GRAMD4: variants seen among roughly 807,000 people sequenced by gnomAD.
GRAMD4 encodes GRAM domain containing 4.
A neutral mutation model predicts 83.9 loss-of-function variants in GRAMD4; 25 were observed. The ratio of observed to expected loss-of-function variants is 0.30; its 90% CI spans 0.22 to 0.42. The LOEUF (loss-of-function observed/expected upper bound fraction) is 0.42, where lower values mean the gene tolerates loss of function less well. GRAMD4 is among the 10% of genes least tolerant of loss of function. The probability of loss-of-function intolerance (pLI) is 1.00; values close to 1 mark genes in which losing one functional copy is unlikely to be tolerated. For synonymous variants in GRAMD4, 336 were observed against 320.9 expected, an observed-to-expected ratio of 1.05 and a Z score of -0.50; for missense variants, 593 against 788.7, an observed-to-expected ratio of 0.75 and a Z score of 2.97.
intron 3 of GRAMD4, among the ~76,000 whole-genome samples, chr22:46,650,353 GGC>G (rs757069635): frequency 0.084 from 12,609 of 150,250 alleles, 670 homozygotes; most frequent in African/African-American, 0.15. Flanking sequence ...CTGGGTGGAG[GGC>G]TGCGTGTCGA....
At chr22:46,602,081 C>T (rs1044262010) in intron 1 of GRAMD4, among the ~76,000 whole-genome samples, 2 of 152,138 alleles carry the variant, frequency 1.3e-5, no homozygotes, top group African/African-American at 2.4e-5. Context: ...TGGTGGTGCA[C>T]GGGGGTCCTC....
At chr22:46,593,977 G>A (rs956328017) in intron 1 of GRAMD4, among the ~76,000 whole-genome samples, 1 of 151,680 alleles carries the variant, frequency 6.6e-6, no homozygotes, top group Non-Finnish European at 1.5e-5. Context: ...TGCCCGCCTC[G>A]GCCTCCCAAA....
intron 10 of GRAMD4, among the ~76,000 whole-genome samples, chr22:46,667,796 G>A (rs1220041979): frequency 2.0e-5 from 3 of 152,238 alleles, no homozygotes; most frequent in African/African-American, 4.8e-5. Flanking sequence ...TTCCCTGCCT[G>A]TAAGTGAGGG....
chr22:46,664,924 G>A (rs142733843), intron 8 of GRAMD4, among the ~76,000 whole-genome samples: 33 of 152,322 alleles, frequency 2.2e-4, no homozygotes, highest in Non-Finnish European at 3.7e-4. Context: ...TGCCTGCTGC[G>A]GGCACTTACC....
intron 3 of GRAMD4, among the ~76,000 whole-genome samples, chr22:46,642,695 G>A (rs904136090): frequency 1.3e-5 from 2 of 152,202 alleles, no homozygotes; most frequent in Admixed American, 6.5e-5. Flanking sequence ...TATCAAGTCA[G>A]TACAGAGTTG....
chr22:46,644,721 TTTTTTTTTTTTTTA>T (rs2082046465), intron 3 of GRAMD4, among the ~76,000 whole-genome samples: 3 of 100,934 alleles, frequency 3.0e-5, no homozygotes, highest in African/African-American at 6.5e-5. Context: ...TTTTTTTTTT[TTTTTTTTTTTTTTA>T]CTTTGTTTTG....
At chr22:46,625,125 G>A (rs1352101748) in intron 1 of GRAMD4, among the ~76,000 whole-genome samples, 2 of 152,170 alleles carry the variant, frequency 1.3e-5, no homozygotes, top group Non-Finnish European at 2.9e-5. Flanking sequence ...CTCCCAAAGT[G>A]CTGGAATTAC....
intron 11 of GRAMD4, 102 bp downstream of exon 11, chr22:46,668,269 C>T (rs1248732767): frequency 5.4e-6 from 4 of 744,462 alleles, no homozygotes; most frequent in Non-Finnish European, 9.1e-6. Context: ...CCGGCCTCCG[C>T]TGCTGCCTGG....
rs759310026 is a variant in GRAMD4, at chr22:46,677,232, C to G, written c.1718C>G (p.Ala573Gly). Reference protein sequence around the residue: ...SQYIKITSAAASGGDS With the variant: ...SQYIKITSAAGSGGDS The stretch of plus-strand genomic sequence containing the variant: ...TACATCAAGATCACCTCAGCGGCAG[C>G]GTCTGGCGGGGACAGCTAGTATTGA... Residue 573 changes from alanine (A) to glycine (G), a missense_variant, in exon 19 of 19, where the codon GCG becomes GGG. Physicochemically the swap from Ala to Gly is moderately conservative, Grantham distance 60 (BLOSUM62 0). Around this residue, in one of 4 missense-constraint regions of GRAMD4, gnomAD observed 74 missense variants for 152.7 expected, o/e 0.48. Transcript: ENST00000406902. The G allele has an allele frequency of 6.2e-7, 1 of 1,613,242 alleles. No homozygotes were observed. Among genetic ancestry groups the G allele is most frequent in the Non-Finnish European group, 8.5e-7 (1 of 1,179,576 alleles).
chr22:46,607,657 T>A (rs2081378876), intron 1 of GRAMD4, among the ~76,000 whole-genome samples: 1 of 152,152 alleles, frequency 6.6e-6, no homozygotes. Flanking sequence ...CCGCCCTCTC[T>A]CCTCTGCCTG....
chr22:46,627,225 T>G (rs1352286141), intron 2 of GRAMD4, among the ~76,000 whole-genome samples: 1 of 152,224 alleles, frequency 6.6e-6, no homozygotes, highest in Non-Finnish European at 1.5e-5. Flanking sequence ...GGTGGCAGAC[T>G]TCTCACGCAC....
intron 1 of GRAMD4, among the ~76,000 whole-genome samples, chr22:46,578,465 G>A: frequency 6.6e-6 from 1 of 152,212 alleles, no homozygotes; most frequent in East Asian, 1.9e-4. Flanking sequence ...GGGCAGGTAA[G>A]AGGATCGAAT....
chr22:46,624,917 G>T (rs1461537587), intron 1 of GRAMD4, among the ~76,000 whole-genome samples: 1 of 147,420 alleles, frequency 6.8e-6, no homozygotes, highest in Non-Finnish European at 1.5e-5. Context: ...CTGGAGTGCA[G>T]TGGCGGGATC....
chr22:46,592,497 G>A lies in GRAMD4; in HGVS notation c.-50+15207G>A, dbSNP rs114166580. 2.2e-3 allele frequency among the ~76,000 whole-genome samples: 329 copies of A among 152,014 alleles called. 1 individual carries two copies. The highest frequency in any genetic ancestry group is 7.6e-3 in the African/African-American group (317 of 41,448). On this transcript the variant is annotated intron_variant, in intron 1 of 1. Transcript: ENST00000431155. ...GGCTGTTAGCACTGAGTCATGGCGA[G>A]CAAGGTGAAGAAGCCCCACTGTGGC...
At chr22:46,601,156 A>G (rs2081308678) in intron 1 of GRAMD4, among the ~76,000 whole-genome samples, 1 of 148,712 alleles carries the variant, frequency 6.7e-6, no homozygotes, top group African/African-American at 2.6e-5. Context: ...AGAAAAAAAA[A>G]ATCACTACTT....
At chr22:46,637,748 C>A in intron 2 of GRAMD4, 92 bp from the exon 3 acceptor site, 2 of 1,417,964 alleles carry the variant, frequency 1.4e-6, no homozygotes, top group Non-Finnish European at 1.9e-6. Context: ...TGCTGCCATC[C>A]TGGGGCCCCT....
intron 18 of GRAMD4, 116 bp from the exon 19 acceptor site, chr22:46,677,031 C>T: frequency 8.0e-7 from 1 of 1,249,110 alleles, no homozygotes; most frequent in South Asian, 1.3e-5. Context: ...TCTTTTGCAC[C>T]CAGACCCACG....
intron 13 of GRAMD4, among the ~76,000 whole-genome samples, chr22:46,670,078 GGTGGGGAGAGCTCC>G (rs2082479177): frequency 6.6e-6 from 1 of 152,356 alleles, no homozygotes; most frequent in African/African-American, 2.4e-5. Context: ...CAAAGCCAGG[GGTGGGGAGAGCTCC>G]GTGCCGGAGT....
chr22:46,661,722 G>A (rs2147344277), intron 5 of GRAMD4, among the ~76,000 whole-genome samples: 1 of 152,348 alleles, frequency 6.6e-6, no homozygotes, highest in South Asian at 2.1e-4. Flanking sequence ...TGTTCTTTGG[G>A]GAATACACAC....
Sources: gnomAD v4.1 joint callset for allele counts (sites outside exome capture counted in the v4.1 genomes callset) on GRCh38, gnomAD v4.1.1 for gene constraint, gnomAD v4.1.1 regional missense constraint, MANE v1.5 for transcripts, NCBI Gene and HGNC (gene_info 2026-07-23, HGNC 2026-07-21) for gene names.